The following TRDN variants were observed in gnomAD, a reference collection of about 807,000 sequenced individuals.
TRDN encodes triadin, also known as triadin in skeletal muscle.
A neutral mutation model predicts 149.7 loss-of-function variants in TRDN; 161 were observed. That is an observed-to-expected ratio of 1.08 (90% CI 0.95 to 1.23). The LOEUF is 1.23. Ranked by LOEUF, TRDN falls within the 50% of genes most tolerant of loss-of-function variation. The pLI is 0.00. For synonymous variants in TRDN, 294 were observed against 250.5 expected (o/e 1.17, Z -1.64); for missense variants, 896 against 823.5 (o/e 1.09, Z -1.08).
intron 21 of TRDN, among the ~76,000 whole-genome samples, chr6:123,345,254 T>G (rs528273895): frequency 4.3e-4 from 66 of 152,134 alleles, no homozygotes; most frequent in African/African-American, 1.6e-3. Flanking sequence ...GGTTTTTTGT[T>G]TTCTTTTTTA....
chr6:123,287,488 A>G (rs1034083655), intron 24 of TRDN, among the ~76,000 whole-genome samples: 2 of 152,152 alleles, frequency 1.3e-5, no homozygotes, highest in African/African-American at 4.8e-5. Context: ...TGATAACCGT[A>G]GTTGCTTTTT....
chr6:123,239,280 C>T (rs534974619), intron 38 of TRDN, among the ~76,000 whole-genome samples: 2 of 152,216 alleles, frequency 1.3e-5, no homozygotes, highest in Non-Finnish European at 2.9e-5. Context: ...ATTGATTAAA[C>T]TACAGGGATA....
At chr6:123,554,833 A>T (rs1781567639) in intron 2 of TRDN, among the ~76,000 whole-genome samples, 1 of 152,188 alleles carries the variant, frequency 6.6e-6, no homozygotes, top group Non-Finnish European at 1.5e-5. Context: ...GGTTTCTTAG[A>T]CTCAGAAATG....
intron 24 of TRDN, among the ~76,000 whole-genome samples, chr6:123,315,890 T>C (rs1779004185): frequency 6.6e-6 from 1 of 151,912 alleles, no homozygotes; most frequent in Non-Finnish European, 1.5e-5. Flanking sequence ...AGAAAGTCTA[T>C]TTTAAAAGTA....
intron 24 of TRDN, among the ~76,000 whole-genome samples, chr6:123,293,870 A>G (rs1285985198): frequency 6.6e-6 from 1 of 152,108 alleles, no homozygotes; most frequent in Non-Finnish European, 1.5e-5. Context: ...GTCACTGTCC[A>G]TTATTTCATA....
chr6:123,355,916 A>G (rs1780652859), intron 20 of TRDN, among the ~76,000 whole-genome samples: 1 of 151,728 alleles, frequency 6.6e-6, no homozygotes, highest in Non-Finnish European at 1.5e-5. Flanking sequence ...GTCATCTTTC[A>G]CTTTATTTTC....
At chr6:123,427,284 T>A (rs1267371032) in intron 12 of TRDN, among the ~76,000 whole-genome samples, 2 of 151,774 alleles carry the variant, frequency 1.3e-5, no homozygotes, top group Admixed American at 1.3e-4. Context: ...CCTTTTGTTT[T>A]TTTTTTTTAA....
rs149398576 is a variant in TRDN at position 123,280,523 on chromosome 6, T to C, written c.1511-1441A>G. ...ACTCTATAGGTCAATTTGGAAAGAA[T>C]TGACACCTTCATAATTTTGAATCTT... is the stretch of plus-strand genomic sequence containing the variant. On this transcript the variant is annotated intron_variant, in intron 24 of 40. Coordinates refer to ENST00000334268, the MANE Select transcript of TRDN (RefSeq NM_006073.4). Among the ~76,000 whole-genome samples the C allele has an allele frequency of 1.4e-3, 213 of 152,242 alleles. 2 individuals are homozygous for C. Among genetic ancestry groups the C allele is most frequent in the African/African-American group, 4.9e-3 (203 of 41,558 alleles).
At chr6:123,537,056 A>G (rs1780584023) in intron 4 of TRDN, among the ~76,000 whole-genome samples, 1 of 152,170 alleles carries the variant, frequency 6.6e-6, no homozygotes, top group African/African-American at 2.4e-5. Context: ...TTCAAAATTT[A>G]TAGATGCTCA....
chr6:123,416,340 C>G (rs1324818331), intron 12 of TRDN, among the ~76,000 whole-genome samples: 4 of 152,176 alleles, frequency 2.6e-5, no homozygotes, highest in African/African-American at 9.7e-5. Flanking sequence ...CTCACTCATG[C>G]TATTCTATTC....
At position 123,216,509 on chromosome 6, in the gene TRDN, A is replaced by G. The variant is rs1441066761; in HGVS notation, c.*2092T>C. On this transcript the variant is annotated 3_prime_UTR_variant, in exon 41 of 41. Coordinates refer to ENST00000334268, the MANE Select transcript of TRDN (RefSeq NM_006073.4). ...CTAAATTCTAATTACAATAAAATAT[A>G]TCGTTTTATCTTATCAAATAGTTTT... 2 of 151,990 alleles carry G rather than the reference A, an allele frequency of 1.3e-5. No homozygotes were observed. The highest frequency in any genetic ancestry group is 1.5e-5 in the Non-Finnish European group (1 of 67,946). The allele number at this position is 151,990 out of a possible 1,614,324, so 9.4% of individuals were successfully genotyped here.
At chr6:123,559,303 A>G (rs776130490) in intron 2 of TRDN, among the ~76,000 whole-genome samples, 29 of 152,128 alleles carry the variant, frequency 1.9e-4, no homozygotes, top group Non-Finnish European at 1.0e-4. Context: ...TAAACCTCTT[A>G]AAACTCCCCA....
intron 9 of TRDN, among the ~76,000 whole-genome samples, chr6:123,468,198 G>A: frequency 6.6e-6 from 1 of 152,290 alleles, no homozygotes; most frequent in Non-Finnish European, 1.5e-5. Context: ...TTGTAGAAAA[G>A]AGGCTTATAA....
chr6:123,309,578 C>T (rs1414930340), intron 24 of TRDN, among the ~76,000 whole-genome samples: 2 of 151,890 alleles, frequency 1.3e-5, no homozygotes, highest in Admixed American at 1.3e-4. Flanking sequence ...ACACTGGTTC[C>T]ATCATACTTT....
intron 1 of TRDN, among the ~76,000 whole-genome samples, chr6:123,582,593 A>G (rs9490812): frequency 0.027 from 4,127 of 152,130 alleles, 136 homozygotes; most frequent in African/African-American, 0.078. Flanking sequence ...TCACAAAACA[A>G]TGTCATCAGT....
chr6:123,218,567 T>C lies in TRDN; in HGVS notation c.*34A>G, dbSNP rs754377873. The C allele has an allele frequency of 4.9e-5, 77 of 1,582,448 alleles. No individual in the cohort carries two copies. The highest frequency in any genetic ancestry group is 6.3e-5 in the Non-Finnish European group (74 of 1,166,180). ...TGGACAAAACATCACATTTTTAAAA[T>C]CTTAAAGCACTTGTAAGGGTCATAC... On this transcript the variant is annotated 3_prime_UTR_variant, in exon 41 of 41. Coordinates refer to ENST00000334268, the MANE Select transcript of TRDN (RefSeq NM_006073.4).
At chr6:123,476,869 G>T (rs1328156149) in intron 9 of TRDN, among the ~76,000 whole-genome samples, 24 of 151,850 alleles carry the variant, frequency 1.6e-4, no homozygotes, top group Non-Finnish European at 2.5e-4. Flanking sequence ...GTAGAAAGCT[G>T]AAACTGGATG....
At chr6:123,361,726 G>A (rs952943051) in intron 20 of TRDN, among the ~76,000 whole-genome samples, 10 of 151,920 alleles carry the variant, frequency 6.6e-5, no homozygotes, top group African/African-American at 2.2e-4. Flanking sequence ...TTATGTACCT[G>A]ACAAATCCCA....
At chr6:123,325,523 A>G (rs573348852) in intron 23 of TRDN, among the ~76,000 whole-genome samples, 2 of 152,160 alleles carry the variant, frequency 1.3e-5, no homozygotes, top group African/African-American at 4.8e-5. Context: ...ATACTATTGG[A>G]ACATTTTAAA....
Sources: allele counts gnomAD v4.1 joint callset (sites outside exome capture counted in the v4.1 genomes callset), GRCh38; gene constraint gnomAD v4.1.1; transcripts MANE v1.5; gene names NCBI Gene and HGNC (gene_info 2026-07-23, HGNC 2026-07-21).